The following NAA16 variants were observed in gnomAD, a reference collection of about 807,000 sequenced individuals.
NAA16 encodes the protein N-alpha-acetyltransferase 16, NatA auxiliary subunit, also known as NARG1-like protein.
A neutral mutation model predicts 110.3 loss-of-function variants in NAA16; 97 were observed. The ratio of observed to expected loss-of-function variants is 0.88; its 90% CI spans 0.75 to 1.04. The LOEUF is 1.04. Among genes scored for constraint, NAA16 ranks in the 50% least tolerant of loss-of-function variants. The pLI, the probability that NAA16 is intolerant of heterozygous loss-of-function variation, is 0.00. For missense variants in NAA16, 1,017 were observed against 1,005.1 expected (o/e 1.01, Z -0.16); for synonymous variants, 372 against 330.6 (o/e 1.13, Z -1.36).
intron 9 of NAA16, among the ~76,000 whole-genome samples, chr13:41,343,942 G>T (rs1406476871): frequency 2.6e-5 from 4 of 152,190 alleles, no homozygotes; most frequent in African/African-American, 4.8e-5. Flanking sequence ...AAAGTGCTGA[G>T]ATTGTAGGTG....
intron 14 of NAA16, 55 bp from the exon 15 acceptor site, chr13:41,369,035 A>G: frequency 6.9e-7 from 1 of 1,456,780 alleles, no homozygotes; most frequent in Non-Finnish European, 9.2e-7. Context: ...TTACAGAAGA[A>G]TATGAAGAAA....
At chr13:41,340,005 T>A (rs1262981405) in intron 9 of NAA16, among the ~76,000 whole-genome samples, 1 of 152,204 alleles carries the variant, frequency 6.6e-6, no homozygotes, top group Non-Finnish European at 1.5e-5. Context: ...AATAGAATCT[T>A]CTATAAACTC....
intron 18 of NAA16, among the ~76,000 whole-genome samples, chr13:41,374,192 AGTAT>A (rs554285740): frequency 3.2e-4 from 47 of 147,236 alleles, no homozygotes; most frequent in Admixed American, 1.9e-3. Context: ...CCCAGGCTGG[AGTAT>A]GTTTTTTCTT....
chr13:41,337,993 C>T (rs1452117715), intron 9 of NAA16, among the ~76,000 whole-genome samples: 1 of 152,020 alleles, frequency 6.6e-6, no homozygotes, highest in Non-Finnish European at 1.5e-5. Context: ...CTTACAATTC[C>T]TTAATGTCTG....
chr13:41,319,122 C>T (rs1279337356), intron 3 of NAA16, among the ~76,000 whole-genome samples: 1 of 152,046 alleles, frequency 6.6e-6, no homozygotes, highest in Non-Finnish European at 1.5e-5. Context: ...TTCATTTGTT[C>T]CCTACCCCGT....
chr13:41,338,690 A>T (rs2042448170), intron 9 of NAA16, among the ~76,000 whole-genome samples: 1 of 152,078 alleles, frequency 6.6e-6, no homozygotes, highest in African/African-American at 2.4e-5. Flanking sequence ...AGACCATTTT[A>T]TTTATTTTAT....
intron 9 of NAA16, among the ~76,000 whole-genome samples, chr13:41,342,323 A>G (rs138898146): frequency 0.013 from 2,033 of 152,198 alleles, 19 homozygotes; most frequent in Admixed American, 0.02. Context: ...AGTTTAGTAG[A>G]GACAGGGTTT....
At chr13:41,335,386 A>G (rs908692831) in intron 8 of NAA16, among the ~76,000 whole-genome samples, 11 of 152,182 alleles carry the variant, frequency 7.2e-5, no homozygotes, top group Admixed American at 6.5e-4. Flanking sequence ...TATTTGCCCA[A>G]GGTTGCACAC....
chr13:41,315,614 C>A (rs2041787244), intron 1 of NAA16, among the ~76,000 whole-genome samples: 1 of 152,138 alleles, frequency 6.6e-6, no homozygotes, highest in Admixed American at 6.5e-5. Context: ...TAAGAGATTA[C>A]AAATTTTTTA....
intron 5 of NAA16, among the ~76,000 whole-genome samples, chr13:41,324,129 C>T (rs2042022075): frequency 1.3e-5 from 2 of 152,012 alleles, no homozygotes; most frequent in Non-Finnish European, 2.9e-5. Flanking sequence ...TTTTTACTCT[C>T]TTAAGGGAGG....
At chr13:41,314,925 C>T (rs745784221) in intron 1 of NAA16, among the ~76,000 whole-genome samples, 1 of 152,136 alleles carries the variant, frequency 6.6e-6, no homozygotes, top group Non-Finnish European at 1.5e-5. Context: ...CACTTGAGCT[C>T]AGCAGTTTGA....
In NAA16 at chr13:41,322,676, T is replaced by G. The variant is rs568827173; in HGVS notation, c.403-380T>G. 2.6e-5 allele frequency among the ~76,000 whole-genome samples: 4 copies of G among 152,264 alleles called. No homozygotes were observed. The South Asian group carries it at 8.3e-4, about 32-fold the overall frequency. ...TGTCTGGCCAATTATTACAATGTAT[T>G]TACACTGTAAATACATGTAATTCAT... On this transcript the variant is annotated intron_variant, in intron 4 of 19. Coordinates refer to ENST00000379406, the MANE Select transcript of NAA16 (RefSeq NM_024561.5).
chr13:41,356,719 C>T (rs1294777902), intron 10 of NAA16, among the ~76,000 whole-genome samples: 4 of 152,152 alleles, frequency 2.6e-5, no homozygotes, highest in Non-Finnish European at 5.9e-5. Flanking sequence ...CAATAACTCT[C>T]CCCTCCCTTT....
At chr13:41,355,016 C>G in intron 9 of NAA16, 128 bp from the exon 10 acceptor site, 1 of 560,480 alleles carries the variant, frequency 1.8e-6, no homozygotes. Flanking sequence ...AAGCAGATAC[C>G]CTAGTCTTTT....
At chr13:41,359,762 C>G (rs1377516455) in intron 12 of NAA16, among the ~76,000 whole-genome samples, 4 of 152,024 alleles carry the variant, frequency 2.6e-5, no homozygotes, top group Admixed American at 6.6e-5. Context: ...TTAGGATAAA[C>G]TAATTATAAT....
In NAA16 at chr13:41,318,850, A is replaced by G. The variant is rs1394826493; in HGVS notation, c.184A>G (p.Lys62Glu). The stretch of plus-strand genomic sequence containing the variant: ...ATTAACACTGAACTGTTTAGGAAAA[A>G]AAGAAGAAGCTTATGAGTTTGTTCG... Reference protein sequence around the residue: ...KGLTLNCLGKKEEAYEFVRKG... With the variant: ...KGLTLNCLGKEEEAYEFVRKG... Residue 62 changes from lysine (K) to glutamate (E), a missense_variant, in exon 3 of 20, where the codon AAA becomes GAA. Physicochemically the swap from Lys to Glu is moderately conservative, Grantham distance 56 (BLOSUM62 1). Coordinates refer to ENST00000379406, the MANE Select transcript of NAA16 (RefSeq NM_024561.5). 4 of 1,604,568 alleles carry G rather than the reference A, an allele frequency of 2.5e-6. No homozygotes were observed. Among genetic ancestry groups the G allele is most frequent in the Non-Finnish European group, 3.4e-6 (4 of 1,175,926 alleles).
intron 2 of NAA16, 111 bp downstream of exon 2, chr13:41,317,041 A>G: frequency 2.8e-6 from 2 of 721,034 alleles, no homozygotes; most frequent in Non-Finnish European, 4.9e-6. Flanking sequence ...TCTCTATTAG[A>G]GTGCATAAAT....
chr13:41,370,522 T>A (rs1273304521), intron 15 of NAA16, among the ~76,000 whole-genome samples: 1 of 152,172 alleles, frequency 6.6e-6, no homozygotes, highest in Non-Finnish European at 1.5e-5. Flanking sequence ...CCCCTGAGCC[T>A]TGAAGGGAAA....
In NAA16 at chr13:41,311,363, C is replaced by T. The variant is rs531312034; in HGVS notation, c.-166C>T. The T allele has an allele frequency of 5.8e-5, 37 of 632,496 alleles. No individual in the cohort carries two copies. Among genetic ancestry groups the T allele is most frequent in the Admixed American group, 2.6e-4 (9 of 34,356 alleles). The allele number at this position is 632,496 out of a possible 1,614,324, so 39.2% of individuals were successfully genotyped here. A position where few individuals can be genotyped will look rare whatever the true frequency, so the allele number is the denominator to read the frequency against. ...ACCGCCTTCCTTCTCCATTGCCACC[C>T]GTGCCGAACAGCCAGGCTGCCCAAT... On this transcript the variant is annotated 5_prime_UTR_variant, in exon 1 of 20. Transcript: ENST00000379406.
Sources: allele counts gnomAD v4.1 joint callset (sites outside exome capture counted in the v4.1 genomes callset), GRCh38; gene constraint gnomAD v4.1.1; transcripts MANE v1.5; gene names NCBI Gene and HGNC (gene_info 2026-07-23, HGNC 2026-07-21).